STK39: variants seen among roughly 807,000 people sequenced by gnomAD.
STK39 encodes serine/threonine kinase 39, also known as STE20/SPS1-related proline-alanine-rich protein kinase.
A neutral mutation model predicts 77.8 loss-of-function variants in STK39; 20 were observed. The ratio of observed to expected loss-of-function variants is 0.26; its 90% CI spans 0.18 to 0.37. The LOEUF is 0.37. STK39 is among the 10% of genes least tolerant of loss of function. The probability of loss-of-function intolerance (pLI) is 1.00; values close to 1 mark genes in which losing one functional copy is unlikely to be tolerated. For missense variants in STK39, 479 were observed against 656.5 expected (o/e 0.73, Z 2.95); for synonymous variants, 246 against 234.1 (o/e 1.05, Z -0.47).
chr2:168,225,857 C>T (rs1158528079), intron 1 of STK39, among the ~76,000 whole-genome samples: 2 of 152,124 alleles, frequency 1.3e-5, no homozygotes, highest in East Asian at 3.9e-4. Context: ...CGATGCTACA[C>T]CCTTCTCCAA....
intron 1 of STK39, among the ~76,000 whole-genome samples, chr2:168,192,408 G>C (rs1056295732): frequency 6.6e-6 from 1 of 152,084 alleles, no homozygotes; most frequent in Non-Finnish European, 1.5e-5. Flanking sequence ...CAATAGCCAG[G>C]CTTTTAAAAA....
At chr2:168,160,377 G>C (rs1193245743) in intron 5 of STK39, among the ~76,000 whole-genome samples, 1 of 152,150 alleles carries the variant, frequency 6.6e-6, no homozygotes, top group African/African-American at 2.4e-5. Context: ...GCTCTTGCAG[G>C]ACAATTTGAG....
At chr2:168,150,716 C>T (rs1290571008) in intron 5 of STK39, among the ~76,000 whole-genome samples, 2 of 151,714 alleles carry the variant, frequency 1.3e-5, no homozygotes, top group Non-Finnish European at 2.9e-5. Context: ...ACCTTTGCAC[C>T]AACCTGATAT....
At chr2:168,232,223 A>C (rs1191590124) in intron 1 of STK39, 3 of 177,852 alleles carry the variant, frequency 1.7e-5, no homozygotes, top group Non-Finnish European at 3.8e-5. Flanking sequence ...CAAAAGATCT[A>C]AGTTTTCATT....
At chr2:168,015,470 G>C (rs1684381632) in intron 15 of STK39, among the ~76,000 whole-genome samples, 1 of 152,162 alleles carries the variant, frequency 6.6e-6, no homozygotes, top group South Asian at 2.1e-4. Context: ...AAGGCCGGCT[G>C]TCATTAGGCA....
At chr2:167,975,237 G>C (rs1016700991) in intron 16 of STK39, among the ~76,000 whole-genome samples, 2 of 151,844 alleles carry the variant, frequency 1.3e-5, no homozygotes, top group African/African-American at 4.8e-5. Context: ...TTGAGTATTT[G>C]GTATCATATC....
intron 10 of STK39, among the ~76,000 whole-genome samples, chr2:168,120,157 T>C (rs1364730404): frequency 1.3e-5 from 2 of 152,254 alleles, no homozygotes; most frequent in Non-Finnish European, 2.9e-5. Context: ...TCATTCTTAA[T>C]AGTCTAATGT....
chr2:168,126,317 G>C (rs1687541083), intron 10 of STK39, among the ~76,000 whole-genome samples: 1 of 151,286 alleles, frequency 6.6e-6, no homozygotes, highest in Admixed American at 6.6e-5. Context: ...GAGAATGGCT[G>C]AGATCTCAAT....
chr2:168,162,987 A>C (rs1050552271), intron 4 of STK39, among the ~76,000 whole-genome samples: 1 of 151,774 alleles, frequency 6.6e-6, no homozygotes, highest in African/African-American at 2.4e-5. Context: ...AGATCACACC[A>C]TTGCACTCCA....
intron 1 of STK39, among the ~76,000 whole-genome samples, chr2:168,242,944 A>AT (rs1690807536): frequency 6.6e-6 from 1 of 151,622 alleles, no homozygotes; most frequent in African/African-American, 2.4e-5. Context: ...ACATTTTTCT[A>AT]TTTATTAAAA....
At chr2:168,206,638 A>G (rs1689751233) in intron 1 of STK39, among the ~76,000 whole-genome samples, 1 of 152,204 alleles carries the variant, frequency 6.6e-6, no homozygotes, top group Non-Finnish European at 1.5e-5. Flanking sequence ...GACTTTGGGC[A>G]GATCACATAA....
intron 16 of STK39, among the ~76,000 whole-genome samples, chr2:167,977,761 T>C (rs1380021922): frequency 6.6e-6 from 1 of 152,142 alleles, no homozygotes; most frequent in Non-Finnish European, 1.5e-5. Flanking sequence ...TGGCTGTAAC[T>C]GCCCAGTGGG....
chr2:168,098,851 T>C (rs1029000551), intron 10 of STK39, among the ~76,000 whole-genome samples: 4 of 152,248 alleles, frequency 2.6e-5, no homozygotes, highest in African/African-American at 9.6e-5. Flanking sequence ...GAACCTATTG[T>C]TCCCTCCCCG....
chr2:168,209,479 C>T (rs1689828220), intron 1 of STK39, among the ~76,000 whole-genome samples: 1 of 151,656 alleles, frequency 6.6e-6, no homozygotes, highest in African/African-American at 2.4e-5. Context: ...GAGTTTGAGA[C>T]TAGCCTGACC....
At chr2:167,961,388 C>T (rs1574346737) in intron 17 of STK39, among the ~76,000 whole-genome samples, 2 of 152,164 alleles carry the variant, frequency 1.3e-5, no homozygotes, top group East Asian at 1.9e-4. Flanking sequence ...ATGTTAATTA[C>T]ATGTTCTCAA....
intron 16 of STK39, among the ~76,000 whole-genome samples, chr2:168,002,368 C>T (rs188734556): frequency 3.4e-4 from 52 of 152,340 alleles, no homozygotes; most frequent in African/African-American, 1.2e-3. Flanking sequence ...CATTTGCCCA[C>T]ATTTTGAAAG....
At chr2:167,970,013 C>T (rs924913505) in intron 16 of STK39, among the ~76,000 whole-genome samples, 4 of 152,186 alleles carry the variant, frequency 2.6e-5, no homozygotes, top group African/African-American at 9.7e-5. Flanking sequence ...CTGGAGCATT[C>T]AGGGCAGGGG....
chr2:168,220,340 G>A (rs1690136442), intron 1 of STK39, among the ~76,000 whole-genome samples: 1 of 151,938 alleles, frequency 6.6e-6, no homozygotes, highest in Non-Finnish European at 1.5e-5. Context: ...GTTCTCCTGG[G>A]GCAAAGAGAA....
intron 5 of STK39, among the ~76,000 whole-genome samples, chr2:168,159,111 G>A (rs1297359918): frequency 2.0e-5 from 3 of 151,958 alleles, no homozygotes; most frequent in African/African-American, 4.8e-5. Flanking sequence ...TAGCAAAAAT[G>A]CCCTTTCTTA....
Sources: gnomAD v4.1 joint callset for allele counts (sites outside exome capture counted in the v4.1 genomes callset) on GRCh38, gnomAD v4.1.1 for gene constraint, MANE v1.5 for transcripts, NCBI Gene and HGNC (gene_info 2026-07-23, HGNC 2026-07-21) for gene names.